The following MYO16 variants were observed in gnomAD, a reference collection of about 807,000 sequenced individuals.
MYO16 encodes unconventional myosin-XVI.
In MYO16, 94 loss-of-function variants were observed where a neutral mutation model predicts 205.3. The observed-to-expected ratio is 0.46, with a 90% confidence interval of 0.39 to 0.54. The LOEUF (loss-of-function observed/expected upper bound fraction) is 0.54, where lower values mean the gene tolerates loss of function less well. Ranked by LOEUF, MYO16 falls within the 20% of genes least tolerant of loss-of-function variation. The pLI, the probability that MYO16 is intolerant of heterozygous loss-of-function variation, is 0.00. For synonymous variants in MYO16, 988 were observed against 954.0 expected, an observed-to-expected ratio of 1.04 and a Z score of -0.66; for missense variants, 2,315 against 2,387.5, an observed-to-expected ratio of 0.97 and a Z score of 0.63.
chr13:108,936,579 T>C (rs1882500495), intron 16 of MYO16, among the ~76,000 whole-genome samples: 1 of 152,156 alleles, frequency 6.6e-6, no homozygotes, highest in African/African-American at 2.4e-5. Context: ...GCCTTCTTTG[T>C]CCTTTTTTTA....
chr13:108,727,305 A>G (rs1467280610), intron 3 of MYO16, 135 bp from the exon 4 acceptor site: 19 of 820,088 alleles, frequency 2.3e-5, no homozygotes, highest in Middle Eastern at 3.2e-4. Flanking sequence ...GGGGAAATAC[A>G]TCTTTTCCCA....
rs147205431 is a variant in MYO16, at chr13:109,195,773, C to T, written c.5416-10836C>T. ...TTACATATGAATTATTTAACAAAGA[C>T]TATTTTTATCCTTGAAGGGAAAGAC... On this transcript the variant is annotated intron_variant, in intron 34 of 34. Coordinates refer to ENST00000457511, the MANE Select transcript of MYO16 (RefSeq NM_001198950.3). 3.1e-3 allele frequency among the ~76,000 whole-genome samples: 470 copies of T among 152,208 alleles called. 2 individuals carry two copies. The highest frequency in any genetic ancestry group is 7.8e-3 in the Admixed American group (120 of 15,290).
chr13:108,566,851 A>G, the MYO16 span, among the ~76,000 whole-genome samples: 1 of 152,158 alleles, frequency 6.6e-6, no homozygotes, highest in Admixed American at 6.6e-5. Flanking sequence ...ACAAGGAAAA[A>G]TAAACTTCCA....
intron 28 of MYO16, among the ~76,000 whole-genome samples, chr13:109,114,616 AT>A (rs1875581128): frequency 6.6e-6 from 1 of 152,218 alleles, no homozygotes; most frequent in Non-Finnish European, 1.5e-5. Flanking sequence ...AGTGTAGTCT[AT>A]TGTGGATATC....
chr13:108,666,194 A>G (rs1379723422), intron 2 of MYO16, 45 bp downstream of exon 2: 1 of 1,534,330 alleles, frequency 6.5e-7, no homozygotes, highest in African/African-American at 1.4e-5. Flanking sequence ...GTGATTTTTC[A>G]TGATTGATTT....
At chr13:108,712,114 G>T in intron 2 of MYO16, among the ~76,000 whole-genome samples, 1 of 152,088 alleles carries the variant, frequency 6.6e-6, no homozygotes, top group East Asian at 1.9e-4. Flanking sequence ...TCGAGTAATT[G>T]GTATATAGTT....
intron 9 of MYO16, among the ~76,000 whole-genome samples, chr13:108,838,781 C>CACAT (rs1028706863): frequency 9.3e-5 from 14 of 149,840 alleles, no homozygotes; most frequent in Non-Finnish European, 4.4e-5. Context: ...CACACACACA[C>CACAT]ACACACACAC....
chr13:109,140,165 G>C lies in MYO16; in HGVS notation c.4052-99G>C. ...CAGGCCCGGTCCCTTGGGATTCTCG[G>C]GGCACGGGGCCGTGGCTCCCTCCGA... On this transcript the variant is annotated intron_variant, in intron 31 of 34. Coordinates refer to ENST00000457511, the MANE Select transcript of MYO16 (RefSeq NM_001198950.3). This position sits in a 1 kb window ranked among gnomAD's most constrained non-coding sequence, Gnocchi z 8.0. 6.6e-7 allele frequency: 1 copy of C among 1,517,532 alleles called. No homozygotes were observed. Among genetic ancestry groups the C allele is most frequent in the Non-Finnish European group, 8.7e-7 (1 of 1,144,330 alleles). 94.0% of individuals were successfully genotyped at this position (1,517,532 alleles called of 1,614,324 possible).
intron 12 of MYO16, among the ~76,000 whole-genome samples, chr13:108,882,099 G>A (rs984873505): frequency 3.3e-5 from 5 of 152,128 alleles, no homozygotes; most frequent in Admixed American, 2.0e-4. Flanking sequence ...GCAGATCCCT[G>A]AGCATCAAGC....
rs150492408 is a variant in MYO16, at chr13:108,929,546, A to G, written c.1925+19396A>G. 3.9e-3 allele frequency among the ~76,000 whole-genome samples: 590 copies of G among 152,384 alleles called. 6 individuals are homozygous for G. The highest frequency in any genetic ancestry group is 0.014 in the African/African-American group (574 of 41,596). ...AAGTTGGAAATGTGCATAACACACC[A>G]TCATACATATGATAGTTGATCTTAC... On this transcript the variant is annotated intron_variant, in intron 16 of 34. Coordinates refer to ENST00000457511, the MANE Select transcript of MYO16 (RefSeq NM_001198950.3).
the MYO16 span, among the ~76,000 whole-genome samples, chr13:108,519,341 T>G: frequency 3.9e-5 from 6 of 152,188 alleles, no homozygotes. Flanking sequence ...GGCTGGTGAC[T>G]TTTTCTGCAT....
chr13:109,155,840 C>G (rs1246325117), intron 32 of MYO16, among the ~76,000 whole-genome samples: 2 of 152,224 alleles, frequency 1.3e-5, no homozygotes, highest in African/African-American at 4.8e-5. Context: ...CTCCACTGAA[C>G]TCTCTCTTCT....
chr13:108,874,708 T>C lies in MYO16; in HGVS notation c.1426-8351T>C, dbSNP rs1050557233. ...GTTTCATCATCATCATTATTATTAT[T>C]ATTATTATTATTATTATTATTATTA... On this transcript the variant is annotated intron_variant, in intron 12 of 34. Coordinates refer to ENST00000457511, the MANE Select transcript of MYO16 (RefSeq NM_001198950.3). Among the ~76,000 whole-genome samples, 74 of 114,558 alleles carry C rather than the reference T, an allele frequency of 6.5e-4. 2 individuals are homozygous for C. Among genetic ancestry groups the C allele is most frequent in the Middle Eastern group, 0.01 (2 of 192 alleles). 75.2% of individuals were successfully genotyped at this position (114,558 alleles called of 152,430 possible). A position where few individuals can be genotyped will look rare whatever the true frequency, so the allele number is the denominator to read the frequency against.
intron 23 of MYO16, 146 bp from the exon 24 acceptor site, chr13:109,046,770 T>C (rs1887057788): frequency 1.6e-6 from 1 of 628,454 alleles, no homozygotes; most frequent in Non-Finnish European, 2.8e-6. Flanking sequence ...AGCTTGGAAC[T>C]TGCATGTAAC....
chr13:108,763,711 G>A (rs1885686066), intron 4 of MYO16, among the ~76,000 whole-genome samples: 1 of 151,976 alleles, frequency 6.6e-6, no homozygotes, highest in Non-Finnish European at 1.5e-5. Context: ...GTTAGGGTCA[G>A]GGTCCCTAGA....
intron 16 of MYO16, among the ~76,000 whole-genome samples, chr13:108,930,359 A>G (rs1203977335): frequency 1.4e-4 from 21 of 152,196 alleles, no homozygotes; most frequent in Admixed American, 1.4e-3. Flanking sequence ...TGACACCATG[A>G]AATGAAGAGA....
rs962331957 is a variant in MYO16, at chr13:108,863,476, A to T, written c.1360-2701A>T. Among the ~76,000 whole-genome samples, 10 of 152,240 alleles carry T rather than the reference A, an allele frequency of 6.6e-5. No homozygotes were observed. The South Asian group carries it at 8.3e-4, about 13-fold the overall frequency. On this transcript the variant is annotated intron_variant, in intron 11 of 34. Transcript: ENST00000457511. ...GATCATATGTCTTTTTAAGTTTTTT[A>T]AAATATTATTAGTTACAATTATTGA...
intron 4 of MYO16, among the ~76,000 whole-genome samples, chr13:108,749,825 C>G (rs1594262766): frequency 6.6e-6 from 1 of 152,162 alleles, no homozygotes; most frequent in Admixed American, 6.5e-5. Flanking sequence ...AGCCTATACT[C>G]AAATATTTAT....
chr13:108,621,993 C>T (rs138342997), intron 1 of MYO16, among the ~76,000 whole-genome samples: 123 of 152,112 alleles, frequency 8.1e-4, no homozygotes, highest in Non-Finnish European at 1.2e-3. Context: ...GTATATAGGG[C>T]TCCATATTAT....
Sources: allele counts gnomAD v4.1 joint callset (sites outside exome capture counted in the v4.1 genomes callset), GRCh38; gene constraint gnomAD v4.1.1; non-coding constraint Gnocchi (gnomAD v3.1); transcripts MANE v1.5; gene names NCBI Gene and HGNC (gene_info 2026-07-23, HGNC 2026-07-21).